PHLPP1: variants seen among roughly 807,000 people sequenced by gnomAD.
The protein encoded by PHLPP1 is PH domain and leucine rich repeat protein phosphatase 1.
A neutral mutation model predicts 117.2 loss-of-function variants in PHLPP1; 42 were observed. The observed-to-expected ratio is 0.36, with a 90% confidence interval of 0.28 to 0.46. The LOEUF is 0.46. Among genes scored for constraint, PHLPP1 ranks in the 20% least tolerant of loss-of-function variants. The pLI is 1.00. For synonymous variants in PHLPP1, 1,042 were observed against 970.7 expected, an observed-to-expected ratio of 1.07 and a Z score of -1.37; for missense variants, 2,084 against 2,241.9, an observed-to-expected ratio of 0.93 and a Z score of 1.42.
At chr18:62,941,092 T>C (rs1045521676) in intron 10 of PHLPP1, among the ~76,000 whole-genome samples, 8 of 152,224 alleles carry the variant, frequency 5.3e-5, no homozygotes, top group Non-Finnish European at 7.3e-5. Context: ...TTTATTCTCA[T>C]TGCTACATCA....
intron 4 of PHLPP1, among the ~76,000 whole-genome samples, chr18:62,867,947 G>A (rs534836751): frequency 6.6e-6 from 1 of 152,080 alleles, no homozygotes; most frequent in South Asian, 2.1e-4. Flanking sequence ...GAGTAGCTGG[G>A]ATTACAGGCG....
chr18:62,852,051 A>G (rs1230315869), intron 3 of PHLPP1, among the ~76,000 whole-genome samples: 1 of 150,320 alleles, frequency 6.7e-6, no homozygotes, highest in Non-Finnish European at 1.5e-5. Context: ...CAATTTTTTA[A>G]TTTAATTTTG....
intron 4 of PHLPP1, among the ~76,000 whole-genome samples, chr18:62,873,850 T>C (rs954730019): frequency 2.6e-5 from 4 of 152,172 alleles, no homozygotes; most frequent in Admixed American, 6.5e-5. Context: ...CTTTTAATAT[T>C]AAGCATTGAA....
chr18:62,848,829 A>G (rs1331816506), intron 3 of PHLPP1, among the ~76,000 whole-genome samples: 1 of 152,192 alleles, frequency 6.6e-6, no homozygotes, highest in African/African-American at 2.4e-5. Context: ...TTTGCAGATG[A>G]GGGAACTGAT....
chr18:62,917,395 T>TC (rs769875130), intron 9 of PHLPP1, among the ~76,000 whole-genome samples: 1 of 135,426 alleles, frequency 7.4e-6, no homozygotes, highest in Non-Finnish European at 1.6e-5. Context: ...AACAGTATTC[T>TC]TTGTGTGTGT....
chr18:62,724,988 G>GA (rs938069775), intron 1 of PHLPP1, among the ~76,000 whole-genome samples: 5 of 151,996 alleles, frequency 3.3e-5, no homozygotes, highest in Admixed American at 6.6e-5. Flanking sequence ...AAAAGTGTTA[G>GA]AAAAAAATCA....
chr18:62,738,839 TA>T (rs1324191937), intron 1 of PHLPP1, among the ~76,000 whole-genome samples: 1 of 152,230 alleles, frequency 6.6e-6, no homozygotes, highest in Non-Finnish European at 1.5e-5. Flanking sequence ...CTGTGGAAAG[TA>T]AAATTGCAGA....
intron 1 of PHLPP1, among the ~76,000 whole-genome samples, chr18:62,771,101 C>T (rs1169181553): frequency 1.3e-5 from 2 of 151,496 alleles, no homozygotes; most frequent in Non-Finnish European, 2.9e-5. Context: ...GTAATCCCAG[C>T]TACTTGGGAG....
chr18:62,953,834 G>A (rs997489936), intron 12 of PHLPP1, among the ~76,000 whole-genome samples: 1 of 152,224 alleles, frequency 6.6e-6, no homozygotes, highest in Non-Finnish European at 1.5e-5. Context: ...GGAGCACGGT[G>A]GAGGTGGTGG....
chr18:62,775,633 A>AT (rs1453034247), intron 1 of PHLPP1, among the ~76,000 whole-genome samples: 2 of 152,148 alleles, frequency 1.3e-5, no homozygotes, highest in African/African-American at 2.4e-5. Context: ...TTCTTCATGT[A>AT]TTTTTTATCT....
chr18:62,929,689 T>G (rs539596842), intron 10 of PHLPP1, among the ~76,000 whole-genome samples: 2 of 152,340 alleles, frequency 1.3e-5, no homozygotes, highest in African/African-American at 2.4e-5. Context: ...GGCTCATGCG[T>G]GTTGTCCTAG....
chr18:62,824,824 C>A lies in PHLPP1; in HGVS notation c.1577-5211C>A, dbSNP rs56177021. On this transcript the variant is annotated intron_variant, in intron 1 of 16. Transcript: ENST00000262719. ...CATTCAGGATGTAAAACAACCCCAA[C>A]AAAGGCACACAAAGTATATTGCTTC... 3.9e-3 allele frequency among the ~76,000 whole-genome samples: 589 copies of A among 152,160 alleles called. 3 individuals carry two copies. Among genetic ancestry groups the A allele is most frequent in the African/African-American group, 0.014 (571 of 41,524 alleles).
chr18:62,716,737 C>CT lies in PHLPP1; in HGVS notation c.1055dup (p.Ser353GlufsTer9). The CT allele has an allele frequency of 6.6e-7, 1 of 1,514,810 alleles. No individual in the cohort carries two copies. Among genetic ancestry groups the CT allele is most frequent in the East Asian group, 2.7e-5 (1 of 37,716 alleles). The allele number at this position is 1,514,810 out of a possible 1,614,324, so 93.8% of individuals were successfully genotyped here. A position where few individuals can be genotyped will look rare whatever the true frequency, so the allele number is the denominator to read the frequency against. On this transcript the variant is annotated frameshift_variant, in exon 1 of 17. Transcript: ENST00000262719. LOFTEE classifies it high-confidence loss of function. This position sits in a 1 kb window ranked among gnomAD's most constrained non-coding sequence, Gnocchi z 5.7. Reference sequence around the variant, plus strand: ...GGTCTCCGACACCGAGAGCTTCAGTCTGAGTCCCAGCGCCGAGAGCGTGTC... The same window carrying CT: ...GGTCTCCGACACCGAGAGCTTCAGTCTTGAGTCCCAGCGCCGAGAGCGTGTC...
chr18:62,940,339 CTTTT>C (rs1214297990), intron 10 of PHLPP1, among the ~76,000 whole-genome samples: 2 of 74,872 alleles, frequency 2.7e-5, no homozygotes, highest in Non-Finnish European at 5.8e-5. Context: ...ATCCACGTTT[CTTTT>C]TCTTTCTTTT....
chr18:62,945,128 G>C lies in PHLPP1; in HGVS notation c.3181G>C (p.Glu1061Gln). 2 of 1,590,820 alleles carry C rather than the reference G, an allele frequency of 1.3e-6. No individual in the cohort carries two copies. Among genetic ancestry groups the C allele is most frequent in the Non-Finnish European group, 1.7e-6 (2 of 1,172,274 alleles). ...FPASKMAKLEELEEIDLSGNK... is the reference protein window; with the variant it reads ...FPASKMAKLEQLEEIDLSGNK... ...TTTTAGTAAAATGGCGAAACTGGAG[G>C]AACTTGAAGAAATTGATCTCAGTGG... Residue 1061 changes from glutamate (E) to glutamine (Q), a missense_variant, in exon 12 of 17, where the codon GAA (glutamate) becomes CAA (glutamine). Coordinates refer to ENST00000262719, the MANE Select transcript of PHLPP1 (RefSeq NM_194449.4).
intron 1 of PHLPP1, among the ~76,000 whole-genome samples, chr18:62,804,687 C>G (rs1000978608): frequency 3.3e-5 from 5 of 151,572 alleles, no homozygotes; most frequent in African/African-American, 1.2e-4. Context: ...CTGTGGCTTG[C>G]CTGCCCCCAT....
Position 62,728,307 on chromosome 18 carries a change from T to A in PHLPP1, c.1576+11048T>A, listed in dbSNP as rs538595763. ...GAGACTGACTCAAAAAAAAAAAAAA[T>A]ATTTTTTTTAAAGAAGTGACATAAA... is the stretch of plus-strand genomic sequence containing the variant. On this transcript the variant is annotated intron_variant, in intron 1 of 16. Transcript: ENST00000262719. 5.1e-4 allele frequency among the ~76,000 whole-genome samples: 75 copies of A among 147,988 alleles called. 2 individuals carry two copies. The South Asian group carries it at 8.4e-3, about 17-fold the overall frequency.
At chr18:62,781,919 T>C (rs1913131240) in intron 1 of PHLPP1, among the ~76,000 whole-genome samples, 2 of 152,236 alleles carry the variant, frequency 1.3e-5, no homozygotes, top group Non-Finnish European at 2.9e-5. Flanking sequence ...GAAACTGTTT[T>C]AGTGACTAAT....
rs2144344685 is a variant in PHLPP1 at position 62,842,887 on chromosome 18, A to G, written c.1899+3978A>G. The G allele has an allele frequency of 1.3e-5, 2 of 152,308 alleles. 1 individual carries two copies. The highest frequency in any genetic ancestry group is 4.1e-4 in the South Asian group (2 of 4,832). The allele number at this position is 152,308 out of a possible 1,614,324, so 9.4% of individuals were successfully genotyped here. On this transcript the variant is annotated intron_variant, in intron 3 of 16. Transcript: ENST00000262719. The stretch of plus-strand genomic sequence containing the variant: ...ATGGCCACACCCTTCTTTAAGCATT[A>G]TGTGTCGAGGATAATCTTTTGATAA...
Sources: allele counts gnomAD v4.1 joint callset (sites outside exome capture counted in the v4.1 genomes callset), GRCh38; gene constraint gnomAD v4.1.1; non-coding constraint Gnocchi (gnomAD v3.1); transcripts MANE v1.5; gene names NCBI Gene and HGNC (gene_info 2026-07-23, HGNC 2026-07-21).